The following PCNX2 variants were observed in gnomAD, a reference collection of about 807,000 sequenced individuals.
PCNX2 encodes the protein pecanex-like protein 2.
PCNX2 carries 168 observed loss-of-function variants against 223.8 expected under a neutral mutation model. The observed-to-expected ratio is 0.75, with a 90% CI of 0.66 to 0.85. The LOEUF is 0.85. Ranked by LOEUF, PCNX2 falls within the 40% of genes least tolerant of loss-of-function variation. The probability of loss-of-function intolerance (pLI) is 0.00; values close to 1 mark genes in which losing one functional copy is unlikely to be tolerated. For missense variants in PCNX2, 2,507 were observed against 2,675.5 expected (o/e 0.94, Z 1.39); for synonymous variants, 1,006 against 1,052.6 (o/e 0.96, Z 0.86).
chr1:232,984,453 G>A lies in PCNX2; in HGVS notation c.6265C>T (p.Pro2089Ser), dbSNP rs200653560. ...AGCTGCCCCTGCTCGGTGGCATCAG[G>A]GGGCTCACATGGCTCGGAGAGGTGC... ...TRHLSEPCEP[P>S]DATEQGQLHD... Residue 2089 changes from proline (P) to serine (S), a missense_variant, in exon 34 of 34, where the codon CCT becomes TCT. This residue lies in a region of PCNX2 where 1,372 missense variants were observed against 1,509.4 expected (regional missense o/e 0.91). Transcript: ENST00000258229. The A allele has an allele frequency of 4.2e-5, 67 of 1,613,526 alleles. No individual in the cohort carries two copies. In the African/African-American group the frequency reaches 8.3e-4, roughly 20 times the overall value.
intron 24 of PCNX2, among the ~76,000 whole-genome samples, chr1:233,055,164 C>T (rs1672148229): frequency 1.3e-5 from 2 of 152,194 alleles, no homozygotes; most frequent in Admixed American, 6.5e-5. Flanking sequence ...TGACTCTCCC[C>T]ATTTCTCTTG....
At chr1:233,214,546 C>T (rs186152843) in intron 12 of PCNX2, among the ~76,000 whole-genome samples, 88 of 152,330 alleles carry the variant, frequency 5.8e-4, no homozygotes, top group African/African-American at 2.0e-3. Flanking sequence ...CTGGCTTGCT[C>T]AGGCGATTCC....
intron 19 of PCNX2, among the ~76,000 whole-genome samples, chr1:233,150,142 C>T (rs576270924): frequency 6.6e-6 from 1 of 152,212 alleles, no homozygotes; most frequent in East Asian, 1.9e-4. Context: ...CAGACTTTGT[C>T]CATAGTGGCC....
rs1676731530 is a variant in PCNX2 at position 233,135,141 on chromosome 1, A to T, written c.3709T>A (p.Ser1237Thr). 6.2e-7 allele frequency: 1 copy of T among 1,613,958 alleles called. No homozygotes were observed. Among genetic ancestry groups the T allele is most frequent in the Non-Finnish European group, 8.5e-7 (1 of 1,179,834 alleles). Residue 1237 changes from serine (S) to threonine (T), a missense_variant, in exon 21 of 34, where the codon TCA becomes ACA. Physicochemically the swap from Ser to Thr is moderately conservative, Grantham distance 58. Around this residue, in one of 3 missense-constraint regions of PCNX2, gnomAD observed 1,372 missense variants for 1,509.4 expected, o/e 0.91. Coordinates refer to ENST00000258229, the MANE Select transcript of PCNX2 (RefSeq NM_014801.4). ...IIAGMKLLRT[S>T]FCNPVYQFIN... ...AACTGGTAAACCGGGTTGCAGAATG[A>T]TGTCCGCAACAGCTTCATGCCAGCA...
chr1:233,325,430 G>T, the PCNX2 span, among the ~76,000 whole-genome samples: 4 of 151,718 alleles, frequency 2.6e-5, no homozygotes, highest in African/African-American at 9.7e-5. Flanking sequence ...AGGCCGAGGG[G>T]GGCGGATCAC....
chr1:233,248,549 C>T (rs1050150903), intron 8 of PCNX2, among the ~76,000 whole-genome samples: 1 of 151,908 alleles, frequency 6.6e-6, no homozygotes, highest in Non-Finnish European at 1.5e-5. Flanking sequence ...AGCAGGAGAG[C>T]GATGGAAATG....
intron 25 of PCNX2, among the ~76,000 whole-genome samples, chr1:233,050,017 A>G (rs1671944093): frequency 6.6e-6 from 1 of 152,062 alleles, no homozygotes. Flanking sequence ...GATTGGAAGA[A>G]TCAACATAGG....
At chr1:233,185,009 C>T (rs148957916) in intron 15 of PCNX2, among the ~76,000 whole-genome samples, 25 of 151,832 alleles carry the variant, frequency 1.6e-4, no homozygotes, top group African/African-American at 6.0e-4. Flanking sequence ...TCTTCTGAGG[C>T]TCTCTCCTGG....
At chr1:233,172,608 A>G (rs1679220390) in intron 17 of PCNX2, 4 of 932,562 alleles carry the variant, frequency 4.3e-6, no homozygotes, top group Non-Finnish European at 5.1e-6. Context: ...CCTGGGCTTC[A>G]ATTCCTGTTC....
At chr1:233,030,814 C>A (rs994282978) in intron 25 of PCNX2, among the ~76,000 whole-genome samples, 1 of 152,228 alleles carries the variant, frequency 6.6e-6, no homozygotes, top group African/African-American at 2.4e-5. Flanking sequence ...ATTCCAGTTA[C>A]CATTCTCTGT....
chr1:233,107,152 C>T (rs1042925971), intron 21 of PCNX2, among the ~76,000 whole-genome samples: 6 of 151,924 alleles, frequency 3.9e-5, no homozygotes, highest in African/African-American at 1.5e-4. Flanking sequence ...GAGGAGTTAT[C>T]CTTCCTGCAT....
intron 23 of PCNX2, among the ~76,000 whole-genome samples, chr1:233,084,565 G>C (rs1014794203): frequency 2.0e-5 from 3 of 152,154 alleles, no homozygotes; most frequent in South Asian, 2.1e-4. Flanking sequence ...GAGGGTTTCT[G>C]ACATATCAAA....
chr1:233,275,816 G>C (rs1660879209), intron 1 of PCNX2, among the ~76,000 whole-genome samples: 1 of 151,848 alleles, frequency 6.6e-6, no homozygotes, highest in South Asian at 2.1e-4. Flanking sequence ...CGGATCACGA[G>C]GTCAGGAGAT....
chr1:233,245,653 C>T (rs933693475), intron 8 of PCNX2, among the ~76,000 whole-genome samples: 61 of 152,282 alleles, frequency 4.0e-4, no homozygotes, highest in African/African-American at 1.3e-3. Flanking sequence ...TGGTGACTCA[C>T]GCCTGCAATC....
intron 15 of PCNX2, among the ~76,000 whole-genome samples, chr1:233,184,366 G>A (rs977324505): frequency 1.3e-5 from 2 of 151,752 alleles, no homozygotes; most frequent in East Asian, 1.9e-4. Flanking sequence ...AGGGGATGAC[G>A]ACACCTTTCT....
At chr1:233,303,620 A>G in the PCNX2 span, among the ~76,000 whole-genome samples, 1 of 150,332 alleles carries the variant, frequency 6.7e-6, no homozygotes, top group Non-Finnish European at 1.5e-5. Flanking sequence ...TGAACCTTTT[A>G]TAATCATGCA....
intron 23 of PCNX2, among the ~76,000 whole-genome samples, chr1:233,086,172 T>C (rs1673590280): frequency 6.6e-6 from 1 of 152,102 alleles, no homozygotes; most frequent in African/African-American, 2.4e-5. Flanking sequence ...GGAAGGTCAT[T>C]CTATATGAAG....
intron 26 of PCNX2, chr1:233,018,825 T>G: frequency 4.1e-6 from 4 of 985,448 alleles, no homozygotes; most frequent in Non-Finnish European, 4.8e-6. Context: ...GGCAGGGATG[T>G]GTGCTCCTGT....
chr1:233,090,265 G>A, intron 22 of PCNX2, 75 bp from the exon 23 acceptor site: 1 of 1,517,022 alleles, frequency 6.6e-7, no homozygotes, highest in Non-Finnish European at 8.9e-7. Context: ...AAATTTTGAT[G>A]AGTTTTCACT....
Sources: allele counts gnomAD v4.1 joint callset (sites outside exome capture counted in the v4.1 genomes callset), GRCh38; gene constraint gnomAD v4.1.1; regional missense constraint gnomAD v4.1.1; transcripts MANE v1.5; gene names NCBI Gene and HGNC (gene_info 2026-07-23, HGNC 2026-07-21).